Variants in NALF1 observed in about 807,000 individuals in gnomAD.
The protein encoded by NALF1 is NALCN channel auxiliary factor 1.
NALF1 carries 3 observed loss-of-function variants against 48.4 expected under a neutral mutation model. The ratio of observed to expected loss-of-function variants is 0.06; its 90% confidence interval spans 0.03 to 0.16. The LOEUF (loss-of-function observed/expected upper bound fraction) is 0.16, where lower values mean the gene tolerates loss of function less well. Ranked by LOEUF, NALF1 falls within the 10% of genes least tolerant of loss-of-function variation. NALF1 has a pLI of 1.00. For synonymous variants in NALF1, 262 were observed against 245.7 expected (o/e 1.07, Z -0.62); for missense variants, 526 against 571.5 (o/e 0.92, Z 0.81).
chr13:107,521,006 T>C (rs1456896865), intron 1 of NALF1, among the ~76,000 whole-genome samples: 2 of 152,174 alleles, frequency 1.3e-5, no homozygotes, highest in Non-Finnish European at 2.9e-5. Flanking sequence ...TTGAGGTACT[T>C]TCTCTAAGGT....
At chr13:107,504,673 G>C (rs755005297) in intron 1 of NALF1, among the ~76,000 whole-genome samples, 1 of 151,984 alleles carries the variant, frequency 6.6e-6, no homozygotes, top group Non-Finnish European at 1.5e-5. Context: ...TTTATTCTAC[G>C]CACTAACCTC....
intron 1 of NALF1, among the ~76,000 whole-genome samples, chr13:107,455,662 T>C (rs1382109828): frequency 2.0e-5 from 3 of 152,196 alleles, no homozygotes; most frequent in Non-Finnish European, 4.4e-5. Flanking sequence ...GTAGTTTCAC[T>C]GCCATAAATA....
intron 1 of NALF1, among the ~76,000 whole-genome samples, chr13:107,215,181 C>T (rs757594150): frequency 1.8e-4 from 28 of 152,270 alleles, no homozygotes; most frequent in South Asian, 6.2e-4. Flanking sequence ...GGCCCCTGGG[C>T]GGCTGTTGAA....
At chr13:107,326,552 T>C in intron 1 of NALF1, among the ~76,000 whole-genome samples, 1 of 152,164 alleles carries the variant, frequency 6.6e-6, no homozygotes, top group Non-Finnish European at 1.5e-5. Flanking sequence ...GGTCTACACA[T>C]AGCCAGTAGA....
At chr13:107,582,970 T>G (rs1034901178) in intron 1 of NALF1, among the ~76,000 whole-genome samples, 3 of 152,116 alleles carry the variant, frequency 2.0e-5, no homozygotes, top group South Asian at 4.1e-4. Flanking sequence ...GTATATCACC[T>G]TTTCCCCCCT....
At chr13:107,638,924 T>C (rs114329489) in intron 1 of NALF1, among the ~76,000 whole-genome samples, 2,406 of 152,194 alleles carry the variant, frequency 0.016, 62 homozygotes, top group African/African-American at 0.055. Context: ...CTCGCAAAGA[T>C]GGAAGAATCA....
intron 1 of NALF1, among the ~76,000 whole-genome samples, chr13:107,523,529 C>G (rs1179835807): frequency 1.9e-4 from 21 of 110,518 alleles, no homozygotes; most frequent in Non-Finnish European, 1.9e-4. Context: ...CCCCTCCCCC[C>G]ACCCCACAAT....
At chr13:107,760,963 T>C (rs1218378747) in intron 1 of NALF1, among the ~76,000 whole-genome samples, 1 of 152,190 alleles carries the variant, frequency 6.6e-6, no homozygotes, top group Non-Finnish European at 1.5e-5. Context: ...AGTACCACAG[T>C]AGCAACAGAT....
chr13:107,637,427 C>T (rs537378617), intron 1 of NALF1, among the ~76,000 whole-genome samples: 2 of 152,178 alleles, frequency 1.3e-5, no homozygotes, highest in East Asian at 1.9e-4. Context: ...GTACTTCCTT[C>T]CAAAAAGAAA....
chr13:107,302,817 G>A (rs184040983), intron 1 of NALF1, among the ~76,000 whole-genome samples: 28 of 152,160 alleles, frequency 1.8e-4, no homozygotes, highest in African/African-American at 5.3e-4. Flanking sequence ...ATGATTTCTC[G>A]CCACATATGA....
chr13:107,201,998 C>G (rs1393886326), intron 2 of NALF1, among the ~76,000 whole-genome samples: 1 of 152,050 alleles, frequency 6.6e-6, no homozygotes, highest in Non-Finnish European at 1.5e-5. Flanking sequence ...GTACAACATA[C>G]CATATTTAGG....
intron 1 of NALF1, among the ~76,000 whole-genome samples, chr13:107,622,832 G>A (rs1206481039): frequency 6.6e-6 from 1 of 152,120 alleles, no homozygotes; most frequent in Non-Finnish European, 1.5e-5. Context: ...TGGTAACTAG[G>A]CATAGCAGTA....
chr13:107,367,386 T>C (rs1293420987), intron 1 of NALF1, among the ~76,000 whole-genome samples: 4 of 152,140 alleles, frequency 2.6e-5, no homozygotes, highest in Non-Finnish European at 1.5e-5. Context: ...CTGACCTGAA[T>C]GTGGTCATTC....
chr13:107,478,732 AT>A lies in NALF1; in HGVS notation c.916-267978del, dbSNP rs1474748932. Among the ~76,000 whole-genome samples the A allele has an allele frequency of 2.6e-4, 39 of 151,366 alleles. No homozygotes were observed. In the East Asian group the frequency reaches 4.1e-3, roughly 16 times the overall value. ...ATAAATGCTTATATTTGTTTTTATA[AT>A]TTTTTTTTGCATAACTAGGAAAATT... is the stretch of plus-strand genomic sequence containing the variant. On this transcript the variant is annotated intron_variant, in intron 1 of 2. Transcript: ENST00000375915.
Position 107,866,617 on chromosome 13 carries a change from T to A in NALF1, c.-21A>T. The A allele has an allele frequency of 1.3e-6, 2 of 1,579,706 alleles. No homozygotes were observed. Among genetic ancestry groups the A allele is most frequent in the Non-Finnish European group, 1.7e-6 (2 of 1,168,946 alleles). On this transcript the variant is annotated 5_prime_UTR_variant, in exon 1 of 3. Coordinates refer to ENST00000375915, the MANE Select transcript of NALF1 (RefSeq NM_001080396.3). The surrounding 1 kb of genome is among the most constrained non-coding windows in gnomAD (Gnocchi z 4.4). ...GTCATATTTTGGGAACGCACAGCCC[T>A]GGCCGACTCCACCGTGAGGGCGCCT...
At position 107,562,902 on chromosome 13, in the gene NALF1, T is replaced by C. The variant is rs187871524; in HGVS notation, c.915+302780A>G. ...CAGTTCCCATGAGGAGTTTCCTCTGTGTTCCACTTCCTAACTGCCAAAGTT... is the reference window on the plus strand; with the variant it reads ...CAGTTCCCATGAGGAGTTTCCTCTGCGTTCCACTTCCTAACTGCCAAAGTT... On this transcript the variant is annotated intron_variant, in intron 1 of 2. Coordinates refer to ENST00000375915, the MANE Select transcript of NALF1 (RefSeq NM_001080396.3). Among the ~76,000 whole-genome samples, 63 of 152,322 alleles carry C rather than the reference T, an allele frequency of 4.1e-4. No homozygotes were observed. The East Asian group carries it at 8.9e-3, about 22-fold the overall frequency.
At chr13:107,201,079 A>C (rs191150861) in intron 2 of NALF1, among the ~76,000 whole-genome samples, 86 of 152,316 alleles carry the variant, frequency 5.6e-4, no homozygotes, top group African/African-American at 2.1e-3. Flanking sequence ...TTTTGTCTCC[A>C]GTTCTCAAAA....
intron 1 of NALF1, among the ~76,000 whole-genome samples, chr13:107,231,732 G>T (rs2138825544): frequency 6.6e-6 from 1 of 152,312 alleles, no homozygotes; most frequent in South Asian, 2.1e-4. Context: ...TATCAAAACT[G>T]ATTTGCGCAT....
intron 1 of NALF1, among the ~76,000 whole-genome samples, chr13:107,443,200 CTA>C (rs1884593861): frequency 1.3e-5 from 2 of 151,828 alleles, no homozygotes; most frequent in Non-Finnish European, 2.9e-5. Context: ...ATCTATCTAT[CTA>C]TCTATCTATC....
Sources: allele counts gnomAD v4.1 joint callset (sites outside exome capture counted in the v4.1 genomes callset), GRCh38; gene constraint gnomAD v4.1.1; non-coding constraint Gnocchi (gnomAD v3.1); transcripts MANE v1.5; gene names NCBI Gene and HGNC (gene_info 2026-07-23, HGNC 2026-07-21).